NT5DC3: variants seen among roughly 807,000 people sequenced by gnomAD.
NT5DC3 encodes the protein 5'-nucleotidase domain containing 3.
NT5DC3 carries 42 observed loss-of-function variants against 67.8 expected under a neutral mutation model. The observed-to-expected ratio is 0.62, with a 90% CI of 0.48 to 0.80. The LOEUF (loss-of-function observed/expected upper bound fraction) is 0.80, where lower values mean the gene tolerates loss of function less well. Ranked by LOEUF, NT5DC3 falls within the 30% of genes least tolerant of loss-of-function variation. NT5DC3 has a pLI of 0.00. For synonymous variants in NT5DC3, 237 were observed against 255.6 expected (o/e 0.93, Z 0.69); for missense variants, 570 against 696.4 (o/e 0.82, Z 2.04).
downstream of NT5DC3, among the ~76,000 whole-genome samples, chr12:103,771,657 G>A (rs533045999): frequency 3.3e-5 from 5 of 152,286 alleles, no homozygotes; most frequent in East Asian, 9.7e-4. Flanking sequence ...TCACCACTGG[G>A]GACGGAGGGA....
chr12:103,821,511 C>T (rs1014768222), intron 1 of NT5DC3, among the ~76,000 whole-genome samples: 1 of 152,162 alleles, frequency 6.6e-6, no homozygotes, highest in Non-Finnish European at 1.5e-5. Flanking sequence ...CATACTTTCT[C>T]TACAGCCAAA....
intron 10 of NT5DC3, among the ~76,000 whole-genome samples, chr12:103,787,829 C>T (rs759778187): frequency 2.6e-5 from 4 of 152,120 alleles, no homozygotes; most frequent in Non-Finnish European, 5.9e-5. Flanking sequence ...TGATTCCTTT[C>T]GCCAATTCCC....
chr12:103,796,365 A>G lies in NT5DC3; in HGVS notation c.753+529T>C, dbSNP rs1258961415. 5.3e-5 allele frequency among the ~76,000 whole-genome samples: 8 copies of G among 152,156 alleles called. No homozygotes were observed. The East Asian group carries it at 1.5e-3, about 29-fold the overall frequency. ...AACCTCGTCTCTATTAAAAATACAA[A>G]AATTAGCCAGGCGTGGTGGCAGGCG... On this transcript the variant is annotated intron_variant, in intron 6 of 13. Coordinates refer to ENST00000392876, the MANE Select transcript of NT5DC3 (RefSeq NM_001031701.3).
chr12:103,792,495 G>C (rs960897201), intron 9 of NT5DC3, among the ~76,000 whole-genome samples: 9 of 152,162 alleles, frequency 5.9e-5, no homozygotes, highest in African/African-American at 2.2e-4. Context: ...TAGAACCCTA[G>C]TGCAGTGATT....
intron 1 of NT5DC3, among the ~76,000 whole-genome samples, chr12:103,835,811 A>G (rs1436064068): frequency 6.6e-6 from 1 of 152,196 alleles, no homozygotes; most frequent in African/African-American, 2.4e-5. Flanking sequence ...CTCTGGTCCA[A>G]CGGTATATCA....
chr12:103,764,324 G>A, the NT5DC3 span, among the ~76,000 whole-genome samples: 1 of 152,190 alleles, frequency 6.6e-6, no homozygotes, highest in African/African-American at 2.4e-5. Flanking sequence ...CAGAGCTGCT[G>A]CTTTCTTGCT....
intron 2 of NT5DC3, among the ~76,000 whole-genome samples, chr12:103,812,997 T>C (rs1887100545): frequency 6.6e-6 from 1 of 152,192 alleles, no homozygotes; most frequent in Non-Finnish European, 1.5e-5. Context: ...TCAATCAAGA[T>C]TATGTAGGAA....
rs151241611 is a variant in NT5DC3 at position 103,808,795 on chromosome 12, T to C, written c.394-1866A>G. 4.2e-3 allele frequency among the ~76,000 whole-genome samples: 647 copies of C among 152,348 alleles called. 1 individual carries two copies. The highest frequency in any genetic ancestry group is 0.015 in the African/African-American group (623 of 41,578). On this transcript the variant is annotated intron_variant, in intron 2 of 13. Transcript: ENST00000392876. ...GGACTTCAGCAGCTCTGCAATCTCC[T>C]GTTAAACTCATGACTGATGGATAAT...
intron 1 of NT5DC3, among the ~76,000 whole-genome samples, chr12:103,821,136 G>T (rs1887473884): frequency 6.6e-6 from 1 of 152,248 alleles, no homozygotes; most frequent in South Asian, 2.1e-4. Context: ...AACATGAAGT[G>T]GAGGCTGGAA....
chr12:103,800,593 G>A (rs1270965786), intron 4 of NT5DC3, among the ~76,000 whole-genome samples: 2 of 152,226 alleles, frequency 1.3e-5, no homozygotes, highest in East Asian at 1.9e-4. Flanking sequence ...CTCAGAAGAC[G>A]CAGTGAAATC....
chr12:103,828,707 T>C (rs1170221500), intron 1 of NT5DC3, among the ~76,000 whole-genome samples: 1 of 149,748 alleles, frequency 6.7e-6, no homozygotes, highest in Non-Finnish European at 1.5e-5. Context: ...TTTTTATTTT[T>C]TTTTTTTGGA....
Position 103,784,970 on chromosome 12 carries a change from C to T in NT5DC3, c.1329+365G>A, listed in dbSNP as rs571627767. Among the ~76,000 whole-genome samples the T allele has an allele frequency of 6.6e-5, 10 of 152,284 alleles. No homozygotes were observed. The South Asian group carries it at 1.9e-3, about 28-fold the overall frequency. ...TCGTTCCAGCGGCCCCTTTATTTCA[C>T]AGATGGGGAAACTGAGGCCCAGAAT... On this transcript the variant is annotated intron_variant, in intron 12 of 13. Coordinates refer to ENST00000392876, the MANE Select transcript of NT5DC3 (RefSeq NM_001031701.3).
chr12:103,841,164 G>C lies in NT5DC3; in HGVS notation c.-8C>G. The C allele has an allele frequency of 1.4e-6, 1 of 694,330 alleles. No individual in the cohort carries two copies. Among genetic ancestry groups the C allele is most frequent in the Non-Finnish European group, 2.3e-6 (1 of 443,148 alleles). The allele number at this position is 694,330 out of a possible 1,614,324, so 43.0% of individuals were successfully genotyped here. A position where few individuals can be genotyped will look rare whatever the true frequency, so the allele number is the denominator to read the frequency against. ...CGCCGCTGCCATGGTCATGCCTGCT[G>C]CCTGCTGCCGCCACCGCCGCCGCGC... On this transcript the variant is annotated 5_prime_UTR_variant, in exon 1 of 14. Transcript: ENST00000392876.
chr12:103,758,165 C>T, the NT5DC3 span: 1 of 1,614,006 alleles, frequency 6.2e-7, no homozygotes, highest in African/African-American at 1.3e-5. Flanking sequence ...CCTTCTTCTC[C>T]CCAGGAAGTG....
Position 103,798,611 on chromosome 12 carries a change from C to A in NT5DC3, c.591G>T (p.Glu197Asp), listed in dbSNP as rs1388455375. 2.5e-6 allele frequency: 4 copies of A among 1,613,606 alleles called. No homozygotes were observed. The highest frequency in any genetic ancestry group is 3.4e-6 in the Non-Finnish European group (4 of 1,179,470). The change falls in exon 5 of 14, where the codon GAG becomes GAT. Residue 197 changes from glutamate (E) to aspartate (D), a missense_variant. Physicochemically the swap from Glu to Asp is conservative, Grantham distance 45. Coordinates refer to ENST00000392876, the MANE Select transcript of NT5DC3 (RefSeq NM_001031701.3). Reference sequence around the variant, plus strand: ...CCTTTCCGTAAAAGTCACTCATCTGCTCCAAGGGCACGTGGGACCCCTCGT... The same window carrying A: ...CCTTTCCGTAAAAGTCACTCATCTGATCCAAGGGCACGTGGGACCCCTCGT... ...EMYEGSHVPL[E>D]QMSDFYGKSS...
At chr12:103,797,172 A>C in intron 5 of NT5DC3, 141 bp from the exon 6 acceptor site, 2 of 893,874 alleles carry the variant, frequency 2.2e-6, no homozygotes, top group Non-Finnish European at 3.4e-6. Context: ...AGTTCTAATA[A>C]TAAAAAAGGA....
chr12:103,796,016 A>T (rs1886296972), intron 6 of NT5DC3, among the ~76,000 whole-genome samples: 1 of 152,262 alleles, frequency 6.6e-6, no homozygotes, highest in African/African-American at 2.4e-5. Context: ...TCCTATGGGC[A>T]ACAGTAAGTG....
chr12:103,827,971 TAC>T (rs1887764726), intron 1 of NT5DC3, among the ~76,000 whole-genome samples: 1 of 152,190 alleles, frequency 6.6e-6, no homozygotes, highest in Non-Finnish European at 1.5e-5. Flanking sequence ...GTTACAGAAG[TAC>T]AGTGTTTGTT....
At chr12:103,840,691 C>T (rs1195107100) in intron 1 of NT5DC3, among the ~76,000 whole-genome samples, 1 of 152,016 alleles carries the variant, frequency 6.6e-6, no homozygotes, top group Non-Finnish European at 1.5e-5. Context: ...GGCTAAAAAT[C>T]CCAAGAATAT....
Sources: gnomAD v4.1 joint callset for allele counts (sites outside exome capture counted in the v4.1 genomes callset) on GRCh38, gnomAD v4.1.1 for gene constraint, MANE v1.5 for transcripts, NCBI Gene and HGNC (gene_info 2026-07-23, HGNC 2026-07-21) for gene names.